The following PAGE2B variants were observed in gnomAD, a reference collection of about 807,000 sequenced individuals.
PAGE2B encodes the protein PAGE family member 2B, also known as putative G antigen family E member 3.
In PAGE2B, 5 loss-of-function variants were observed where a neutral mutation model predicts 7.6. The observed-to-expected ratio is 0.66, with a 90% CI of 0.34 to 1.38. The LOEUF is 1.38. PAGE2B is among the 40% of genes most tolerant of loss of function. The pLI, the probability that PAGE2B is intolerant of heterozygous loss-of-function variation, is 0.04. For missense variants in PAGE2B, 70 were observed against 78.4 expected (o/e 0.89, Z 0.41); for synonymous variants, 29 against 26.7 (o/e 1.09, Z -0.27).
At chrX:55,028,973 C>T in the PAGE2B span, among the ~76,000 whole-genome samples, 1 of 111,951 alleles carries the variant, frequency 8.9e-6, no homozygotes, top group East Asian at 2.8e-4. Context: ...TTGGTAATAA[C>T]AAGGACAATC....
At chrX:55,035,493 T>C in the PAGE2B span, among the ~76,000 whole-genome samples, 1 of 111,622 alleles carries the variant, frequency 9.0e-6, no homozygotes, top group South Asian at 3.8e-4. Context: ...TTAAGATGTT[T>C]ACTGCATTTC....
the PAGE2B span, among the ~76,000 whole-genome samples, chrX:55,067,932 G>A: frequency 1.8e-5 from 2 of 112,214 alleles, no homozygotes; most frequent in African/African-American, 6.5e-5. Flanking sequence ...ATCTGTTTAA[G>A]TTCTCTGTAG....
the PAGE2B span, among the ~76,000 whole-genome samples, chrX:55,057,810 AG>A: frequency 8.9e-6 from 1 of 111,997 alleles, no homozygotes; most frequent in African/African-American, 3.2e-5. Flanking sequence ...AAATGCAATT[AG>A]AATACATCAC....
the PAGE2B span, among the ~76,000 whole-genome samples, chrX:55,037,244 T>C: frequency 2.7e-5 from 3 of 111,567 alleles, no homozygotes; most frequent in African/African-American, 6.5e-5. Flanking sequence ...GGGCAAAGGA[T>C]ATGAACAGAC....
At chrX:55,031,927 C>T in the PAGE2B span, among the ~76,000 whole-genome samples, 1 of 111,425 alleles carries the variant, frequency 9.0e-6, no homozygotes, top group Non-Finnish European at 1.9e-5. Flanking sequence ...CCATAGTCTA[C>T]ATATTGATTT....
At chrX:55,071,358 A>G (rs1201083422), upstream of PAGE2B, among the ~76,000 whole-genome samples, 4 of 111,249 alleles carry the variant, frequency 3.6e-5, no homozygotes, top group Non-Finnish European at 3.8e-5. Context: ...CTTTTCTTTA[A>G]GAATGTTGAA....
chrX:55,066,542 T>C, the PAGE2B span, among the ~76,000 whole-genome samples: 1 of 112,239 alleles, frequency 8.9e-6, no homozygotes, highest in Non-Finnish European at 1.9e-5. Context: ...GAATAATATT[T>C]TCACCAGATA....
At position 55,076,493 on chromosome X, in the gene PAGE2B, G is replaced by T. The variant is rs149441640; in HGVS notation, c.85-76G>T. Reference sequence around the variant, plus strand: ...ATATGTTGGAAAAATGTCTTTAGATGTGTGATTCGATGCACATATGCATTT... The same window carrying T: ...ATATGTTGGAAAAATGTCTTTAGATTTGTGATTCGATGCACATATGCATTT... On this transcript the variant is annotated intron_variant, in intron 2 of 4. Transcript: ENST00000374971. 0.014 allele frequency: 12,883 copies of T among 919,950 alleles called. 629 individuals are homozygous for T. In the African/African-American group the frequency reaches 0.2, roughly 14 times the overall value. The allele number at this position is 919,950 out of a possible 1,213,427, so 75.8% of individuals were successfully genotyped here.
At chrX:55,071,497 C>T (rs749887898), upstream of PAGE2B, among the ~76,000 whole-genome samples, 1 of 111,544 alleles carries the variant, frequency 9.0e-6, no homozygotes, top group African/African-American at 3.3e-5. Flanking sequence ...TCCTGCATTT[C>T]AACCTTGGTG....
chrX:55,040,611 G>A, the PAGE2B span, among the ~76,000 whole-genome samples: 2 of 111,086 alleles, frequency 1.8e-5, no homozygotes, highest in Non-Finnish European at 3.8e-5. Context: ...AGAGCAATCA[G>A]ATTCATAGAG....
chrX:55,058,021 A>G, the PAGE2B span, among the ~76,000 whole-genome samples: 1 of 110,987 alleles, frequency 9.0e-6, no homozygotes, highest in East Asian at 2.8e-4. Context: ...TGGCCATAAT[A>G]TTTTTCTGAT....
chrX:55,030,963 G>A, the PAGE2B span: 2 of 340,362 alleles, frequency 5.9e-6, no homozygotes, highest in Non-Finnish European at 1.2e-5. Flanking sequence ...CACTGAGGAC[G>A]AACGAATGAC....
At chrX:55,070,519 G>T (rs925998146), upstream of PAGE2B, among the ~76,000 whole-genome samples, 4 of 111,585 alleles carry the variant, frequency 3.6e-5, no homozygotes, top group Non-Finnish European at 5.6e-5. Flanking sequence ...GTTGATTTGG[G>T]GTGGAGAGTT....
chrX:55,036,631 C>T, the PAGE2B span, among the ~76,000 whole-genome samples: 8 of 111,007 alleles, frequency 7.2e-5, no homozygotes, highest in Non-Finnish European at 1.3e-4. Flanking sequence ...GGAAGCATCA[C>T]GCTACCTGAC....
At chrX:55,042,629 G>A in the PAGE2B span, among the ~76,000 whole-genome samples, 1 of 76,960 alleles carries the variant, frequency 1.3e-5, no homozygotes, top group South Asian at 9.1e-4. Context: ...ACTCCAGCCT[G>A]GGCGACAGAG....
At chrX:55,060,828 T>C in the PAGE2B span, among the ~76,000 whole-genome samples, 1 of 110,752 alleles carries the variant, frequency 9.0e-6, no homozygotes, top group Non-Finnish European at 1.9e-5. Flanking sequence ...TTTTAGTAAA[T>C]TATATTTTCA....
At chrX:55,038,128 T>A in the PAGE2B span, among the ~76,000 whole-genome samples, 17 of 109,963 alleles carry the variant, frequency 1.5e-4, no homozygotes, top group Non-Finnish European at 2.9e-4. Flanking sequence ...TCCTCCCCTA[T>A]CCCCAGCAAA....
the PAGE2B span, among the ~76,000 whole-genome samples, chrX:55,069,681 T>C: frequency 1.8e-5 from 2 of 111,537 alleles, no homozygotes; most frequent in Non-Finnish European, 3.8e-5. Context: ...CCTGGACTTT[T>C]TTGGTTGGTA....
At chrX:55,057,245 C>G in the PAGE2B span, among the ~76,000 whole-genome samples, 1 of 111,084 alleles carries the variant, frequency 9.0e-6, no homozygotes, top group Admixed American at 9.6e-5. Flanking sequence ...GAAGTCTAGA[C>G]AGGAAGCAGA....
Sources: gnomAD v4.1 joint callset for allele counts (sites outside exome capture counted in the v4.1 genomes callset) on GRCh38, gnomAD v4.1.1 for gene constraint, MANE v1.5 for transcripts, NCBI Gene and HGNC (gene_info 2026-07-23, HGNC 2026-07-21) for gene names.